ALG1: variants seen among roughly 807,000 people sequenced by gnomAD.
ALG1 encodes the protein chitobiosyldiphosphodolichol beta-mannosyltransferase.
In ALG1, 58 loss-of-function variants were observed where a neutral mutation model predicts 55.1. The observed-to-expected ratio is 1.05, with a 90% CI of 0.85 to 1.31. The LOEUF (loss-of-function observed/expected upper bound fraction) is 1.31. Among genes scored for constraint, ALG1 ranks in the 50% most tolerant of loss-of-function variants. The pLI is 0.00. For synonymous variants in ALG1, 309 were observed against 247.0 expected (o/e 1.25, Z -2.35); for missense variants, 761 against 598.6 (o/e 1.27, Z -2.83).
chr16:5,077,060 C>T (rs1423452291), intron 4 of ALG1, among the ~76,000 whole-genome samples: 2 of 152,128 alleles, frequency 1.3e-5, no homozygotes, highest in Non-Finnish European at 2.9e-5. Flanking sequence ...GCTGGGATTA[C>T]AGGCATGAGC....
Position 5,078,843 on chromosome 16 carries a change from G to T in ALG1, c.827G>T (p.Arg276Leu). ...GSGLVTRLRE[R>L]PALLVSSTSW... ...GGGCTGGTGACGCGTCTCCGTGAGCGGCCAGCCCTGCTGGTCAGCAGCACG... is the reference window on the plus strand; with the variant it reads ...GGGCTGGTGACGCGTCTCCGTGAGCTGCCAGCCCTGCTGGTCAGCAGCACG... Residue 276 changes from arginine (R) to leucine (L), a missense_variant, in exon 7 of 13, where the codon CGG becomes CTG. Transcript: ENST00000262374. 1 of 1,611,896 alleles carries T rather than the reference G, an allele frequency of 6.2e-7. No homozygotes were observed. The highest frequency in any genetic ancestry group is 1.3e-5 in the African/African-American group (1 of 74,986).
At chr16:5,077,574 G>C (rs377401084) in intron 5 of ALG1, 40 bp downstream of exon 5, 4 of 1,596,950 alleles carry the variant, frequency 2.5e-6, no homozygotes, top group African/African-American at 2.7e-5. Context: ...GGAGAGGCGC[G>C]GGGCCCCTGA....
rs1156321980 is a variant in ALG1, at chr16:5,071,908, T to G, written c.59T>G (p.Leu20Arg). ...TGTCTGCTGCTGCCGCTGCTGCTGCTGGGAGGATGGAAGCGCTGGCGCCGG... is the reference window on the plus strand; with the variant it reads ...TGTCTGCTGCTGCCGCTGCTGCTGCGGGGAGGATGGAAGCGCTGGCGCCGG... Reference protein sequence around the residue: ...ALCLLLPLLLLGGWKRWRRGR... With the variant: ...ALCLLLPLLLRGGWKRWRRGR... The change falls in exon 1 of 13, where the codon CTG becomes CGG. Residue 20 changes from leucine (L) to arginine (R), a missense_variant. Transcript: ENST00000262374. The G allele has an allele frequency of 6.3e-7, 1 of 1,599,102 alleles. No homozygotes were observed. The highest frequency in any genetic ancestry group is 8.5e-7 in the Non-Finnish European group (1 of 1,173,958).
chr16:5,073,505 C>G, intron 3 of ALG1: 1 of 551,078 alleles, frequency 1.8e-6, no homozygotes, highest in Admixed American at 3.2e-5. Flanking sequence ...ATTTAGTCCT[C>G]ACAGTTACCC....
intron 3 of ALG1, chr16:5,073,559 GGTT>G (rs1956857745): frequency 6.8e-6 from 3 of 440,662 alleles, no homozygotes; most frequent in African/African-American, 4.0e-5. Flanking sequence ...TGTTTCTTAA[GGTT>G]GTTCTCATTT....
In ALG1 at chr16:5,075,173, G is replaced by A. The variant is rs546898632; in HGVS notation, c.391-215G>A. 4.9e-4 allele frequency among the ~76,000 whole-genome samples: 75 copies of A among 152,160 alleles called. 1 individual carries two copies. The highest frequency in any genetic ancestry group is 6.6e-4 in the Non-Finnish European group (45 of 68,002). Reference sequence around the variant, plus strand: ...CCTGCCTTGGCCTCCCAAAGTGTTGGGATTACAGGCATCAGCCACCGCACC... The same window carrying A: ...CCTGCCTTGGCCTCCCAAAGTGTTGAGATTACAGGCATCAGCCACCGCACC... On this transcript the variant is annotated intron_variant, in intron 3 of 12. Transcript: ENST00000262374.
chr16:5,073,361 T>C, intron 3 of ALG1, 105 bp downstream of exon 3: 6 of 1,024,742 alleles, frequency 5.9e-6, no homozygotes, highest in Non-Finnish European at 9.0e-6. Flanking sequence ...GTGTTGTGTG[T>C]ATGGGCGTTT....
chr16:5,081,043 C>T lies in ALG1; in HGVS notation c.1059C>T (p.Tyr353=), dbSNP rs1957009416. 6.3e-7 allele frequency: 1 copy of T among 1,596,320 alleles called. No homozygotes were observed. Among genetic ancestry groups the T allele is most frequent in the Non-Finnish European group, 8.5e-7 (1 of 1,179,702 alleles). The part of the protein sequence containing the change: ...VCTPWLEAED[Y]PLLLGSADLG... Reference sequence around the variant, plus strand: ...CCCCCTGGCTGGAGGCCGAGGACTACCCCCTGCTTCTAGGTGAGAGGCCAG... The same window carrying T: ...CCCCCTGGCTGGAGGCCGAGGACTATCCCCTGCTTCTAGGTGAGAGGCCAG... The change falls in exon 10 of 13, where the codon TAC becomes TAT. Residue 353 remains tyrosine, a synonymous_variant. Transcript: ENST00000262374.
Position 5,075,414 on chromosome 16 carries a change from T to C in ALG1, c.417T>C (p.Ala139=). ...ACCCCCCAGGTCTGCCTAGCATTGC[T>C]GTCTGCTGGTTCGTGGGCTGCCTTT... The part of the protein sequence containing the change: ...LQNPPGLPSI[A]VCWFVGCLCG... Residue 139 remains alanine (A), a synonymous_variant, in exon 4 of 13, where the codon GCT becomes GCC. Coordinates refer to ENST00000262374, the MANE Select transcript of ALG1 (RefSeq NM_019109.5). 6.2e-7 allele frequency: 1 copy of C among 1,614,252 alleles called. No individual in the cohort carries two copies. The highest frequency in any genetic ancestry group is 8.5e-7 in the Non-Finnish European group (1 of 1,180,048).
rs751855679 is a variant in ALG1, at chr16:5,077,571, C to T, written c.629+37C>T. On this transcript the variant is annotated intron_variant, in intron 5 of 12. Transcript: ENST00000262374. ...TGGGATGACGGCGGCCTGGGAGAGG[C>T]GCGGGGCCCCTGATTGGCTGCAGTG... is the stretch of plus-strand genomic sequence containing the variant. 2.1e-5 allele frequency: 34 copies of T among 1,599,512 alleles called. No homozygotes were observed. The highest frequency in any genetic ancestry group is 1.7e-4 in the Middle Eastern group (1 of 5,994).
chr16:5,075,160 T>A (rs1015316382), intron 3 of ALG1, among the ~76,000 whole-genome samples: 1 of 152,208 alleles, frequency 6.6e-6, no homozygotes, highest in Non-Finnish European at 1.5e-5. Flanking sequence ...TGCCTTGGCC[T>A]CCCAAAGTGT....
At chr16:5,079,213 C>A in intron 8 of ALG1, 111 bp downstream of exon 8, 1 of 1,426,114 alleles carries the variant, frequency 7.0e-7, no homozygotes, top group Non-Finnish European at 9.6e-7. Flanking sequence ...GGTGGGGCAG[C>A]CTGGGGACAG....
intron 4 of ALG1, 141 bp from the exon 5 acceptor site, chr16:5,077,302 AAG>A: frequency 1.3e-6 from 1 of 751,720 alleles, no homozygotes. Flanking sequence ...AGCATAAAGA[AAG>A]AACACTGGCA....
rs1367327454 is a variant in ALG1, at chr16:5,079,807, G to C, written c.961G>C (p.Gly321Arg). 6.2e-7 allele frequency: 1 copy of C among 1,611,846 alleles called. No individual in the cohort carries two copies. The highest frequency in any genetic ancestry group is 1.1e-5 in the South Asian group (1 of 90,994). ...NLPSLVCVIT[G>R]KGPLREYYSR... ...TCCTTCTCTCGTCTGTGTGATAACAGGTACTGCCTGGGACCCTGGGTGTCT... is the reference window on the plus strand; with the variant it reads ...TCCTTCTCTCGTCTGTGTGATAACACGTACTGCCTGGGACCCTGGGTGTCT... The change falls in exon 9 of 13, where the codon GGC becomes CGC. Residue 321 changes from glycine (G) to arginine (R), a missense_variant and splice_region_variant. Gly to Arg is a moderately radical substitution (Grantham distance 125). Transcript: ENST00000262374.
At chr16:5,083,594 T>C in intron 11 of ALG1, 88 bp from the exon 12 acceptor site, 1 of 1,592,166 alleles carries the variant, frequency 6.3e-7, no homozygotes, top group Non-Finnish European at 8.5e-7. Context: ...GGCTTGAGCA[T>C]GGGGTGTGTG....
intron 9 of ALG1, among the ~76,000 whole-genome samples, chr16:5,080,152 C>G (rs937231597): frequency 6.7e-6 from 1 of 150,018 alleles, no homozygotes; most frequent in Admixed American, 6.7e-5. Context: ...ACTGCAACCT[C>G]CGCCTCCCAC....
At chr16:5,080,669 C>T (rs558164623) in intron 9 of ALG1, among the ~76,000 whole-genome samples, 14 of 152,272 alleles carry the variant, frequency 9.2e-5, no homozygotes, top group Admixed American at 6.5e-4. Flanking sequence ...AGTGGGCGGT[C>T]GGGTGCCAGG....
intron 12 of ALG1, chr16:5,084,354 G>T: frequency 5.1e-6 from 2 of 392,964 alleles, no homozygotes; most frequent in Non-Finnish European, 9.7e-6. Context: ...GCTGGATTTG[G>T]CCTGCAGGCT....
At chr16:5,073,970 G>A (rs892492156) in intron 3 of ALG1, among the ~76,000 whole-genome samples, 2 of 151,980 alleles carry the variant, frequency 1.3e-5, no homozygotes, top group Non-Finnish European at 2.9e-5. Context: ...CCCCCTCGGC[G>A]TCCCAAAGTG....
Sources: allele counts gnomAD v4.1 joint callset (sites outside exome capture counted in the v4.1 genomes callset), GRCh38; gene constraint gnomAD v4.1.1; transcripts MANE v1.5; gene names NCBI Gene and HGNC (gene_info 2026-07-23, HGNC 2026-07-21).